Variants in ALDH1L1 observed in about 807,000 individuals in gnomAD.
ALDH1L1 encodes the protein aldehyde dehydrogenase 1 family member L1.
ALDH1L1 carries 68 observed loss-of-function variants against 101.1 expected under a neutral mutation model. That is an observed-to-expected ratio of 0.67 (90% CI 0.55 to 0.82). The LOEUF (loss-of-function observed/expected upper bound fraction) is 0.82, where lower values mean the gene tolerates loss of function less well. ALDH1L1 is among the 40% of genes least tolerant of loss of function. The probability of loss-of-function intolerance (pLI) is 0.00; values close to 1 mark genes in which losing one functional copy is unlikely to be tolerated. For missense variants in ALDH1L1, 1,087 were observed against 1,172.7 expected, an observed-to-expected ratio of 0.93 and a Z score of 1.07; for synonymous variants, 486 against 470.8, an observed-to-expected ratio of 1.03 and a Z score of -0.42.
At chr3:126,120,499 A>C (rs1320475470) in intron 16 of ALDH1L1, among the ~76,000 whole-genome samples, 1 of 152,256 alleles carries the variant, frequency 6.6e-6, no homozygotes, top group Non-Finnish European at 1.5e-5. Context: ...CACAGCAGTG[A>C]AACTACTCTG....
At position 126,114,556 on chromosome 3, in the gene ALDH1L1, C is replaced by A. The variant is rs142903055; in HGVS notation, c.2082+1G>T. On this transcript the variant is annotated splice_donor_variant, in intron 18 of 22. Transcript: ENST00000393434. LOFTEE classifies it high-confidence loss of function. ...CTGCCCCCTCCAGGCCCGGCCCTCACCATCTGCACAGCCTTGTTGAGGTCA... is the reference window on the plus strand; with the variant it reads ...CTGCCCCCTCCAGGCCCGGCCCTCAACATCTGCACAGCCTTGTTGAGGTCA... The A allele has an allele frequency of 4.7e-6, 7 of 1,495,208 alleles. No homozygotes were observed. Among genetic ancestry groups the A allele is most frequent in the Non-Finnish European group, 6.2e-6 (7 of 1,122,266 alleles). The allele number at this position is 1,495,208 out of a possible 1,614,324, so 92.6% of individuals were successfully genotyped here.
rs1319472157 is a variant in ALDH1L1, at chr3:126,131,486, C to T, written c.1521G>A (p.Glu507=). ...EQHQEELATI[E]ALDAGAVYTL... ...TGTAGACGGCACCCGCATCCAGGGC[C>T]TCAATGGTGGCCAGCTCCTCCTGGT... is the stretch of plus-strand genomic sequence containing the variant. The change falls in exon 13 of 23, where the codon GAG becomes GAA. Residue 507 remains glutamate (E), a synonymous_variant. Coordinates refer to ENST00000393434, the MANE Select transcript of ALDH1L1 (RefSeq NM_012190.4). 1 of 1,613,092 alleles carries T rather than the reference C, an allele frequency of 6.2e-7. No homozygotes were observed. The highest frequency in any genetic ancestry group is 8.5e-7 in the Non-Finnish European group (1 of 1,179,138).
At chr3:126,159,798 C>G (rs1279484716) in intron 2 of ALDH1L1, among the ~76,000 whole-genome samples, 1 of 152,168 alleles carries the variant, frequency 6.6e-6, no homozygotes, top group Non-Finnish European at 1.5e-5. Context: ...TCATGGGTCA[C>G]TTGTGGTCAG....
intron 1 of ALDH1L1, chr3:126,180,064 C>T (rs1035525602): frequency 6.6e-6 from 1 of 152,330 alleles, no homozygotes; most frequent in African/African-American, 2.4e-5. Flanking sequence ...GCCCAGGAAA[C>T]AGGTAGTCCC....
intron 16 of ALDH1L1, among the ~76,000 whole-genome samples, chr3:126,121,830 G>C (rs2080085321): frequency 6.6e-6 from 1 of 152,212 alleles, no homozygotes; most frequent in African/African-American, 2.4e-5. Context: ...TCCCAGCGAA[G>C]GAAGCTGGCA....
At chr3:126,186,804 A>G (rs2081521487) in intron 1 of ALDH1L1, among the ~76,000 whole-genome samples, 1 of 152,194 alleles carries the variant, frequency 6.6e-6, no homozygotes, top group Admixed American at 6.5e-5. Flanking sequence ...GGCACTGTCC[A>G]GTCAGTGGAG....
Position 126,117,975 on chromosome 3 carries a change from C to T in ALDH1L1, c.1982+30G>A, listed in dbSNP as rs768184942. On this transcript the variant is annotated intron_variant, in intron 17 of 22. Coordinates refer to ENST00000393434, the MANE Select transcript of ALDH1L1 (RefSeq NM_012190.4). ...TGTCCCAGGCGCAGCCCACAGCAGC[C>T]CCTCCTCTGCTCCACCCCCAGCCAC... is the stretch of plus-strand genomic sequence containing the variant. 7.6e-6 allele frequency: 12 copies of T among 1,587,018 alleles called. No homozygotes were observed. In the African/African-American group the frequency reaches 1.3e-4, roughly 18 times the overall value.
intron 1 of ALDH1L1, among the ~76,000 whole-genome samples, chr3:126,189,320 G>A (rs896505528): frequency 1.3e-5 from 2 of 152,208 alleles, no homozygotes; most frequent in Non-Finnish European, 2.9e-5. Flanking sequence ...AACAGGGAAA[G>A]CGTCTCATTA....
chr3:126,108,789 T>C (rs1945976020), intron 20 of ALDH1L1, among the ~76,000 whole-genome samples: 1 of 152,050 alleles, frequency 6.6e-6, no homozygotes, highest in Non-Finnish European at 1.5e-5. Context: ...CTGGAGAGAA[T>C]GAAATGCAGC....
At chr3:126,170,259 A>G (rs2081248370) in intron 1 of ALDH1L1, among the ~76,000 whole-genome samples, 1 of 152,010 alleles carries the variant, frequency 6.6e-6, no homozygotes, top group African/African-American at 2.4e-5. Flanking sequence ...TGCTGTACTC[A>G]CTCTACTATT....
intron 1 of ALDH1L1, among the ~76,000 whole-genome samples, chr3:126,195,663 A>T (rs1229138872): frequency 1.3e-5 from 2 of 152,218 alleles, no homozygotes; most frequent in African/African-American, 4.8e-5. Flanking sequence ...ACATGCACAC[A>T]TATATTTATT....
chr3:126,125,547 C>G, intron 15 of ALDH1L1, 69 bp downstream of exon 15: 3 of 1,262,144 alleles, frequency 2.4e-6, no homozygotes, highest in Non-Finnish European at 3.2e-6. Context: ...TTCCCTTCCT[C>G]CCTTATAGAG....
intron 13 of ALDH1L1, among the ~76,000 whole-genome samples, chr3:126,130,846 T>C (rs2080286454): frequency 1.3e-5 from 2 of 152,196 alleles, no homozygotes. Context: ...GGCGGGAGCC[T>C]GAAGATATGG....
chr3:126,187,613 T>C (rs2081528504), intron 1 of ALDH1L1, among the ~76,000 whole-genome samples: 1 of 152,100 alleles, frequency 6.6e-6, no homozygotes, highest in South Asian at 2.1e-4. Flanking sequence ...AGCATCAGAC[T>C]ACTCAAGAAG....
At chr3:126,160,809 C>T (rs138998633) in intron 2 of ALDH1L1, 44 bp downstream of exon 2, 7 of 1,600,188 alleles carry the variant, frequency 4.4e-6, no homozygotes, top group Middle Eastern at 1.7e-4. Flanking sequence ...CCTGGATGGG[C>T]GGGCCGCCCT....
intron 13 of ALDH1L1, among the ~76,000 whole-genome samples, chr3:126,130,657 T>A (rs1373547673): frequency 6.6e-6 from 1 of 152,184 alleles, no homozygotes; most frequent in Non-Finnish European, 1.5e-5. Flanking sequence ...AGCCAGAAGC[T>A]ACACAGCTGC....
chr3:126,177,970 G>A (rs901015931), intron 1 of ALDH1L1, among the ~76,000 whole-genome samples: 2 of 152,198 alleles, frequency 1.3e-5, no homozygotes, highest in African/African-American at 4.8e-5. Context: ...TTGAACCTGG[G>A]AGGCAGAAAC....
At chr3:126,192,449 T>C (rs2081558432) in intron 1 of ALDH1L1, among the ~76,000 whole-genome samples, 1 of 152,190 alleles carries the variant, frequency 6.6e-6, no homozygotes, top group Non-Finnish European at 1.5e-5. Context: ...AACATTTGGG[T>C]ATTTTAGAGA....
intron 12 of ALDH1L1, among the ~76,000 whole-genome samples, chr3:126,134,894 G>A (rs75496148): frequency 0.046 from 6,925 of 152,130 alleles, 504 homozygotes; most frequent in African/African-American, 0.16. Flanking sequence ...CTCTGTGAGG[G>A]TGACTGCTCC....
Sources: allele counts gnomAD v4.1 joint callset (sites outside exome capture counted in the v4.1 genomes callset), GRCh38; gene constraint gnomAD v4.1.1; transcripts MANE v1.5; gene names NCBI Gene and HGNC (gene_info 2026-07-23, HGNC 2026-07-21).